PSMA6: variants seen among roughly 807,000 people sequenced by gnomAD.
The protein encoded by PSMA6 is proteasome subunit alpha type-6.
For synonymous variants in PSMA6, 88 were observed against 97.7 expected (o/e 0.90, Z 0.59); for missense variants, 170 against 294.8 (o/e 0.58, Z 3.10).
At chr14:35,281,193 C>T (rs1408913572) in intron 1 of PSMA6, among the ~76,000 whole-genome samples, 1 of 152,158 alleles carries the variant, frequency 6.6e-6, no homozygotes, top group Non-Finnish European at 1.5e-5. Context: ...TTTTTACCTC[C>T]TTTGGTCTCC....
chr14:35,300,467 G>GA (rs2051690528), intron 1 of PSMA6, among the ~76,000 whole-genome samples: 1 of 152,094 alleles, frequency 6.6e-6, no homozygotes, highest in Non-Finnish European at 1.5e-5. Context: ...GTGAGACCTT[G>GA]TCTCAGAAAA....
upstream of PSMA6, among the ~76,000 whole-genome samples, chr14:35,289,581 C>G (rs1265762971): frequency 6.6e-6 from 1 of 151,966 alleles, no homozygotes; most frequent in African/African-American, 2.4e-5. Flanking sequence ...CTCAAATGAT[C>G]CACCCACCTC....
At chr14:35,302,889 A>G (rs1304380200) in intron 1 of PSMA6, among the ~76,000 whole-genome samples, 3 of 151,992 alleles carry the variant, frequency 2.0e-5, no homozygotes, top group Non-Finnish European at 1.5e-5. Flanking sequence ...GAGATTTCCT[A>G]TCATTTTTCA....
intron 1 of PSMA6, among the ~76,000 whole-genome samples, chr14:35,299,620 C>G (rs1485068888): frequency 6.6e-6 from 1 of 152,126 alleles, no homozygotes; most frequent in Non-Finnish European, 1.5e-5. Flanking sequence ...CCATGCCCAG[C>G]CTCTTTTTTC....
intron 2 of PSMA6, 73 bp from the exon 3 acceptor site, chr14:35,308,841 A>G (rs1044170219): frequency 1.7e-5 from 19 of 1,129,264 alleles, no homozygotes; most frequent in African/African-American, 4.7e-5. Flanking sequence ...AATTAAAAAC[A>G]TAATTTTTTT....
rs372970614 is a variant in PSMA6 at position 35,292,419 on chromosome 14, G to A, written c.-58G>A. On this transcript the variant is annotated 5_prime_UTR_variant, in exon 1 of 7. Coordinates refer to ENST00000261479, the MANE Select transcript of PSMA6 (RefSeq NM_002791.3). ...TGCAACTTCCGGGAGGTGCTTGTGT[G>A]CCTGGTGCGGGAGCTACGGGGCCCA... 20 of 1,578,216 alleles carry A rather than the reference G, an allele frequency of 1.3e-5. No homozygotes were observed. The highest frequency in any genetic ancestry group is 4.1e-5 in the African/African-American group (3 of 73,536).
chr14:35,298,684 A>T (rs1467021973), intron 1 of PSMA6, among the ~76,000 whole-genome samples: 2 of 151,994 alleles, frequency 1.3e-5, no homozygotes, highest in Non-Finnish European at 2.9e-5. Flanking sequence ...AATAAATATC[A>T]TTTTAAAATG....
intron 6 of PSMA6, chr14:35,316,650 G>A (rs1207643774): frequency 6.6e-6 from 1 of 152,048 alleles, no homozygotes; most frequent in Admixed American, 6.6e-5. Flanking sequence ...GGCGGGTCAC[G>A]AGGTCAGGAG....
intron 1 of PSMA6, among the ~76,000 whole-genome samples, chr14:35,279,219 G>A (rs2051339361): frequency 6.6e-6 from 1 of 152,014 alleles, no homozygotes; most frequent in South Asian, 2.1e-4. Flanking sequence ...GGCTAATTTT[G>A]TATTTTTAGT....
rs1176435775 is a variant in PSMA6 at position 35,292,487 on chromosome 14, G to C, written c.11G>C (p.Gly4Ala). The C allele has an allele frequency of 6.2e-7, 1 of 1,613,828 alleles. No homozygotes were observed. Among genetic ancestry groups the C allele is most frequent in the East Asian group, 2.2e-5 (1 of 44,858 alleles). Residue 4 changes from glycine (G) to alanine (A), a missense_variant, in exon 1 of 7, where the codon GGT becomes GCT. Physicochemically the swap from Gly to Ala is moderately conservative, Grantham distance 60. Transcript: ENST00000261479. ...AGTGCTTCTACCAACATGTCCCGTG[G>C]TTCCAGCGCCGGTTTTGACCGCCAC... The part of the protein sequence containing the change: MSR[G>A]SSAGFDRHIT...
intron 3 of PSMA6, among the ~76,000 whole-genome samples, chr14:35,309,903 T>C (rs758804107): frequency 4.6e-5 from 7 of 151,300 alleles, no homozygotes; most frequent in Non-Finnish European, 8.9e-5. Flanking sequence ...ACCCGGGAGG[T>C]AGAGGTTGCA....
upstream of PSMA6, among the ~76,000 whole-genome samples, chr14:35,289,560 TAA>T (rs1328123853): frequency 6.6e-6 from 1 of 152,022 alleles, no homozygotes; most frequent in Non-Finnish European, 1.5e-5. Context: ...GGGTGGTCTT[TAA>T]CTCCTGACCT....
chr14:35,299,532 G>C (rs2051670075), intron 1 of PSMA6, among the ~76,000 whole-genome samples: 1 of 151,278 alleles, frequency 6.6e-6, no homozygotes, highest in Non-Finnish European at 1.5e-5. Context: ...ATGTTGGTTA[G>C]GCTGGTCTTG....
In PSMA6 at chr14:35,312,941, C is replaced by G. The variant is rs765274020; in HGVS notation, c.470C>G (p.Ala157Gly). 6.3e-7 allele frequency: 1 copy of G among 1,592,518 alleles called. No homozygotes were observed. Among genetic ancestry groups the G allele is most frequent in the Non-Finnish European group, 8.5e-7 (1 of 1,172,480 alleles). ...CCTCAGGTATATAAGTGTGATCCTG[C>G]AGGTTACTACTGTGGGTTTAAAGCC... ...QGPQVYKCDP[A>G]GYYCGFKATA... The change falls in exon 5 of 7, where the codon GCA becomes GGA. Residue 157 changes from alanine to glycine, a missense_variant. Transcript: ENST00000261479.
intron 1 of PSMA6, among the ~76,000 whole-genome samples, chr14:35,300,522 G>T (rs530154843): frequency 3.5e-4 from 53 of 152,170 alleles, no homozygotes; most frequent in African/African-American, 1.3e-3. Flanking sequence ...ATTAGAAGAG[G>T]TTTGCTCAGT....
upstream of PSMA6, chr14:35,292,314 A>G (rs2051496526): frequency 6.2e-6 from 9 of 1,449,934 alleles, no homozygotes; most frequent in Admixed American, 2.9e-5. Flanking sequence ...CTCAGAGCTC[A>G]GTGCTCGAAC....
chr14:35,296,309 T>C (rs915753513), intron 1 of PSMA6, among the ~76,000 whole-genome samples: 1 of 150,488 alleles, frequency 6.6e-6, no homozygotes, highest in African/African-American at 2.4e-5. Flanking sequence ...AAGCACTCAA[T>C]GTTTTCTGGG....
chr14:35,309,024 C>G, intron 3 of PSMA6, 29 bp downstream of exon 3: 1 of 1,419,414 alleles, frequency 7.0e-7, no homozygotes, highest in Non-Finnish European at 9.8e-7. Flanking sequence ...TACAAGACAT[C>G]TGTAGATATA....
At chr14:35,303,513 A>G (rs1243975337) in intron 1 of PSMA6, among the ~76,000 whole-genome samples, 1 of 152,102 alleles carries the variant, frequency 6.6e-6, no homozygotes, top group Non-Finnish European at 1.5e-5. Context: ...AAAATGGGAA[A>G]CTCAACTCAT....
Sources: gnomAD v4.1 joint callset for allele counts (sites outside exome capture counted in the v4.1 genomes callset) on GRCh38, gnomAD v4.1.1 for gene constraint, MANE v1.5 for transcripts, NCBI Gene and HGNC (gene_info 2026-07-23, HGNC 2026-07-21) for gene names.